Variants in ADGRL3 observed in about 807,000 individuals in gnomAD.
ADGRL3 encodes the protein calcium-independent alpha-latrotoxin receptor 3.
ADGRL3 carries 62 observed loss-of-function variants against 153.5 expected under a neutral mutation model. The observed-to-expected ratio is 0.40, with a 90% CI of 0.33 to 0.50. ADGRL3 has a LOEUF of 0.50. ADGRL3 is among the 20% of genes least tolerant of loss of function. The pLI is 0.47. For synonymous variants in ADGRL3, 710 were observed against 672.5 expected (o/e 1.06, Z -0.86); for missense variants, 1,641 against 1,859.4 (o/e 0.88, Z 2.16).
intron 9 of ADGRL3, among the ~76,000 whole-genome samples, chr4:61,886,373 G>T (rs774034496): frequency 6.6e-6 from 1 of 152,096 alleles, no homozygotes; most frequent in Non-Finnish European, 1.5e-5. Flanking sequence ...CCTTGGGAAG[G>T]TTTCTTCAGT....
chr4:61,918,040 G>C (rs2098752565), intron 13 of ADGRL3, among the ~76,000 whole-genome samples: 1 of 152,176 alleles, frequency 6.6e-6, no homozygotes. Flanking sequence ...GTAGCCAACA[G>C]CAAGAAAAGT....
intron 5 of ADGRL3, among the ~76,000 whole-genome samples, chr4:61,672,157 T>A (rs58935585): frequency 0.017 from 2,635 of 152,222 alleles, 85 homozygotes; most frequent in African/African-American, 0.06. Flanking sequence ...TTTTTACCTA[T>A]GTTTTCTTCT....
intron 24 of ADGRL3, among the ~76,000 whole-genome samples, chr4:62,039,599 C>A (rs1408225882): frequency 6.6e-6 from 1 of 152,124 alleles, no homozygotes; most frequent in African/African-American, 2.4e-5. Flanking sequence ...ATTGTCCCAA[C>A]TCAGATGGAT....
intron 15 of ADGRL3, among the ~76,000 whole-genome samples, chr4:61,946,502 A>C (rs2098925085): frequency 6.6e-6 from 1 of 152,114 alleles, no homozygotes; most frequent in Non-Finnish European, 1.5e-5. Context: ...TTAATGATAT[A>C]TTTTGATAGA....
intron 1 of ADGRL3, among the ~76,000 whole-genome samples, chr4:61,234,174 A>G (rs1365200885): frequency 3.3e-5 from 5 of 152,090 alleles, no homozygotes; most frequent in Non-Finnish European, 7.3e-5. Context: ...TAAACACATA[A>G]CTGAGACTGG....
intron 8 of ADGRL3, among the ~76,000 whole-genome samples, chr4:61,767,508 T>C (rs2097008537): frequency 1.3e-5 from 2 of 152,012 alleles, no homozygotes; most frequent in Non-Finnish European, 2.9e-5. Flanking sequence ...TACCCGAAGC[T>C]CGGCGTCCGT....
intron 8 of ADGRL3, among the ~76,000 whole-genome samples, chr4:61,794,623 T>A (rs1214684366): frequency 6.6e-6 from 1 of 152,220 alleles, no homozygotes; most frequent in Non-Finnish European, 1.5e-5. Context: ...AAAAGCTTCC[T>A]GTTGTTGAGA....
At chr4:61,383,564 G>C (rs1221624467) in intron 2 of ADGRL3, among the ~76,000 whole-genome samples, 1 of 151,472 alleles carries the variant, frequency 6.6e-6, no homozygotes, top group Non-Finnish European at 1.5e-5. Context: ...ACCATATTGA[G>C]TTTTTTTCAG....
intron 15 of ADGRL3, among the ~76,000 whole-genome samples, chr4:61,945,946 A>G (rs2098921125): frequency 6.6e-6 from 1 of 152,162 alleles, no homozygotes; most frequent in African/African-American, 2.4e-5. Context: ...CTATTCGGCC[A>G]TCTTGGCTCC....
At chr4:61,493,264 C>T (rs2152792306) in intron 2 of ADGRL3, among the ~76,000 whole-genome samples, 1 of 152,200 alleles carries the variant, frequency 6.6e-6, no homozygotes, top group South Asian at 2.1e-4. Flanking sequence ...ACGTCACCCT[C>T]TTCAAATAAT....
intron 9 of ADGRL3, among the ~76,000 whole-genome samples, chr4:61,892,080 G>A (rs1446904750): frequency 1.3e-5 from 2 of 151,986 alleles, no homozygotes; most frequent in Non-Finnish European, 2.9e-5. Flanking sequence ...AGTTCTAAGA[G>A]CAATAAAGTA....
chr4:62,007,021 C>T (rs2099161579), intron 21 of ADGRL3, among the ~76,000 whole-genome samples: 1 of 152,046 alleles, frequency 6.6e-6, no homozygotes, highest in Admixed American at 6.6e-5. Context: ...ACATCATCCT[C>T]AGAATGCTGG....
At chr4:61,221,676 CTATT>C (rs1745628009) in intron 1 of ADGRL3, among the ~76,000 whole-genome samples, 1 of 151,990 alleles carries the variant, frequency 6.6e-6, no homozygotes, top group Admixed American at 6.6e-5. Flanking sequence ...AGTTGCTTTA[CTATT>C]TAATTTATTT....
chr4:61,755,543 C>T (rs2096816799), intron 8 of ADGRL3, among the ~76,000 whole-genome samples: 2 of 152,044 alleles, frequency 1.3e-5, no homozygotes, highest in Non-Finnish European at 1.5e-5. Flanking sequence ...GAGTAGATTG[C>T]AAAAATTTTC....
intron 25 of ADGRL3, among the ~76,000 whole-genome samples, chr4:62,061,293 G>T (rs999750476): frequency 6.6e-6 from 1 of 151,660 alleles, no homozygotes; most frequent in Admixed American, 6.6e-5. Context: ...TTCGTTTTGA[G>T]ATAATTGTAG....
At chr4:61,559,636 T>C (rs2098785484) in intron 4 of ADGRL3, among the ~76,000 whole-genome samples, 1 of 152,024 alleles carries the variant, frequency 6.6e-6, no homozygotes, top group African/African-American at 2.4e-5. Flanking sequence ...ATTTGTTATG[T>C]GTTACTTTTT....
intron 9 of ADGRL3, among the ~76,000 whole-genome samples, chr4:61,867,254 T>C (rs2098405963): frequency 6.6e-6 from 1 of 151,672 alleles, no homozygotes; most frequent in Non-Finnish European, 1.5e-5. Context: ...ACCACAGCAC[T>C]TTGGGAGGCC....
chr4:61,262,084 C>T (rs995001024), intron 1 of ADGRL3, among the ~76,000 whole-genome samples: 1 of 152,090 alleles, frequency 6.6e-6, no homozygotes, highest in Non-Finnish European at 1.5e-5. Flanking sequence ...TGAAGGTGCT[C>T]ATCATGGAAT....
At chr4:61,962,922 A>T (rs1318358971) in intron 17 of ADGRL3, among the ~76,000 whole-genome samples, 2 of 152,158 alleles carry the variant, frequency 1.3e-5, no homozygotes, top group Non-Finnish European at 2.9e-5. Context: ...AGTAGTATAG[A>T]CAACTTATCA....
Sources: gnomAD v4.1 joint callset for allele counts (sites outside exome capture counted in the v4.1 genomes callset) on GRCh38, gnomAD v4.1.1 for gene constraint, MANE v1.5 for transcripts, NCBI Gene and HGNC (gene_info 2026-07-23, HGNC 2026-07-21) for gene names.